Variants in ADD2 observed in about 807,000 individuals in gnomAD.
The protein encoded by ADD2 is adducin 2.
Under a neutral mutation model 83.0 loss-of-function variants are expected in ADD2, and 23 were observed. The observed-to-expected ratio is 0.28, with a 90% CI of 0.20 to 0.39. The LOEUF is 0.39. Ranked by LOEUF, ADD2 falls within the 10% of genes least tolerant of loss-of-function variation. The pLI is 1.00. For synonymous variants in ADD2, 375 were observed against 375.4 expected, an observed-to-expected ratio of 1.00 and a Z score of 0.01; for missense variants, 758 against 944.9, an observed-to-expected ratio of 0.80 and a Z score of 2.59.
At chr2:70,687,723 A>G (rs1343783418) in intron 9 of ADD2, among the ~76,000 whole-genome samples, 1 of 152,154 alleles carries the variant, frequency 6.6e-6, no homozygotes, top group Non-Finnish European at 1.5e-5. Context: ...CCTTATTACA[A>G]TTTCTCCCAC....
chr2:70,744,661 T>A (rs1553381669), intron 1 of ADD2, among the ~76,000 whole-genome samples: 2 of 152,210 alleles, frequency 1.3e-5, no homozygotes, highest in African/African-American at 4.8e-5. Flanking sequence ...GAATTCTGCC[T>A]TTTTTCTAAG....
intron 4 of ADD2, among the ~76,000 whole-genome samples, chr2:70,697,168 A>C (rs1206621765): frequency 6.6e-6 from 1 of 152,224 alleles, no homozygotes. Flanking sequence ...CAAAAAAAGA[A>C]AGCCAGATCA....
At position 70,692,550 on chromosome 2, in the gene ADD2, G is replaced by A; in HGVS notation, c.558C>T (p.Ile186=). The A allele has an allele frequency of 6.2e-7, 1 of 1,600,872 alleles. No individual in the cohort carries two copies. The highest frequency in any genetic ancestry group is 8.5e-7 in the Non-Finnish European group (1 of 1,174,268). ...SCSEVTASSL[I]KVNILGEVVE... is the part of the protein sequence containing the mutation. ...CCACCTCTCCCAGAATGTTCACCTT[G>A]ATCTGCGCCAGGGAAGAAGAGAGAC... is the stretch of plus-strand genomic sequence containing the variant. Residue 186 remains isoleucine (I), a splice_region_variant and synonymous_variant, in exon 7 of 16, where the codon ATC becomes ATT. Transcript: ENST00000264436.
chr2:70,674,873 G>T, intron 13 of ADD2, 48 bp from the exon 14 acceptor site: 1 of 1,587,032 alleles, frequency 6.3e-7, no homozygotes, highest in East Asian at 2.2e-5. Flanking sequence ...CGCCGCAGTT[G>T]GGGTGCAGGC....
At chr2:70,733,523 T>C (rs1265795199) in intron 1 of ADD2, among the ~76,000 whole-genome samples, 3 of 152,216 alleles carry the variant, frequency 2.0e-5, no homozygotes, top group Admixed American at 2.0e-4. Flanking sequence ...CTGAGTTTAA[T>C]TTCCTCCCAG....
At chr2:70,688,202 A>G (rs1443576623) in intron 8 of ADD2, 80 bp from the exon 9 acceptor site, 1 of 1,191,490 alleles carries the variant, frequency 8.4e-7, no homozygotes, top group Non-Finnish European at 1.2e-6. Context: ...CATTTTATTT[A>G]GATCAACTTC....
chr2:70,670,542 G>A (rs1553366904), intron 15 of ADD2, among the ~76,000 whole-genome samples: 1 of 152,238 alleles, frequency 6.6e-6, no homozygotes, highest in Admixed American at 6.5e-5. Context: ...ATGACCAGAT[G>A]CAAAGGCTCT....
Position 70,661,192 on chromosome 2 carries a change from C to T in ADD2, c.*2233G>A, listed in dbSNP as rs1675526390. 1 of 152,198 alleles carries T rather than the reference C, an allele frequency of 6.6e-6. No homozygotes were observed. Among genetic ancestry groups the T allele is most frequent in the African/African-American group, 2.4e-5 (1 of 41,444 alleles). The allele number at this position is 152,198 out of a possible 1,614,324, so 9.4% of individuals were successfully genotyped here. A position where few individuals can be genotyped will look rare whatever the true frequency, so the allele number is the denominator to read the frequency against. ...CACCCCCGAAGTAGAACAACTCGCA[C>T]ACAAAAGGCTGCATCAGAGGTCGTG... On this transcript the variant is annotated 3_prime_UTR_variant, in exon 16 of 16. Transcript: ENST00000264436.
intron 11 of ADD2, 52 bp from the exon 12 acceptor site, chr2:70,677,929 C>T: frequency 1.9e-6 from 3 of 1,609,582 alleles, no homozygotes; most frequent in Non-Finnish European, 2.5e-6. Flanking sequence ...GCCCATGAGT[C>T]CTCCCCAGTG....
At chr2:70,703,222 GAGAGAA>G (rs1406008726) in intron 4 of ADD2, among the ~76,000 whole-genome samples, 3 of 151,988 alleles carry the variant, frequency 2.0e-5, no homozygotes, top group African/African-American at 4.8e-5. Context: ...GAAAGAGAAA[GAGAGAA>G]AGAGAAAGAG....
At chr2:70,697,133 C>T (rs1553372861) in intron 4 of ADD2, among the ~76,000 whole-genome samples, 3 of 152,178 alleles carry the variant, frequency 2.0e-5, no homozygotes, top group African/African-American at 7.2e-5. Flanking sequence ...GGGGACAGAG[C>T]GAGACTCCGT....
In ADD2 at chr2:70,678,825, T is replaced by G. The variant is rs782595893; in HGVS notation, c.1262A>C (p.Gln421Pro). ...CTCCTTCTGCTGCTTCTGGGCATGC[T>G]GTCGCAGGGCGGGCACCGGGGCACC... ...EDGAPVPALRQHAQKQQKEKT... is the reference protein window; with the variant it reads ...EDGAPVPALRPHAQKQQKEKT... The change falls in exon 11 of 16, where the codon CAG (glutamine) becomes CCG (proline). Residue 421 changes from glutamine to proline, a missense_variant. Coordinates refer to ENST00000264436, the MANE Select transcript of ADD2 (RefSeq NM_001617.4). 6.2e-7 allele frequency: 1 copy of G among 1,614,076 alleles called. No individual in the cohort carries two copies. Among genetic ancestry groups the G allele is most frequent in the African/African-American group, 1.3e-5 (1 of 74,930 alleles).
At chr2:70,765,383 G>A (rs1258779717) in intron 1 of ADD2, among the ~76,000 whole-genome samples, 1 of 151,916 alleles carries the variant, frequency 6.6e-6, no homozygotes, top group African/African-American at 2.4e-5. Context: ...AAATAAAAAA[G>A]AATTGTTGTG....
Position 70,704,470 on chromosome 2 carries a change from C to T in ADD2, c.184-11G>A. The stretch of plus-strand genomic sequence containing the variant: ...CTCCTCCCTGAAAGACTGAAGCAGG[C>T]CCCGAGGTGCTTGTCCCCCCACAGC... On this transcript the variant is annotated splice_polypyrimidine_tract_variant and intron_variant, in intron 3 of 15. Transcript: ENST00000264436. 6.2e-7 allele frequency: 1 copy of T among 1,613,674 alleles called. No homozygotes were observed. Among genetic ancestry groups the T allele is most frequent in the Non-Finnish European group, 8.5e-7 (1 of 1,179,850 alleles).
chr2:70,743,544 AGAG>A (rs1252487044), intron 1 of ADD2, among the ~76,000 whole-genome samples: 2 of 152,212 alleles, frequency 1.3e-5, no homozygotes, highest in Non-Finnish European at 2.9e-5. Context: ...TGGGAGAAGA[AGAG>A]AAGAAAATGC....
At chr2:70,670,443 G>T (rs1289959011) in intron 15 of ADD2, among the ~76,000 whole-genome samples, 1 of 152,180 alleles carries the variant, frequency 6.6e-6, no homozygotes, top group Admixed American at 6.5e-5. Flanking sequence ...TTCTTTGCAG[G>T]CGTAGCCAGT....
In ADD2 at chr2:70,676,509, T is replaced by G; in HGVS notation, c.1593+287A>C. On this transcript the variant is annotated intron_variant, in intron 13 of 15. Coordinates refer to ENST00000264436, the MANE Select transcript of ADD2 (RefSeq NM_001617.4). The surrounding 1 kb of genome is among the most constrained non-coding windows in gnomAD (Gnocchi z 4.8). ...CACGGGGTAGTAAGGGAGGACAGAG[T>G]GGAGTTCCATGGCAGGAGGTACGGA... The G allele has an allele frequency of 7.3e-7, 1 of 1,365,986 alleles. No individual in the cohort carries two copies. 84.6% of individuals were successfully genotyped at this position (1,365,986 alleles called of 1,614,324 possible).
At chr2:70,756,071 GAAAAA>G (rs10549289) in intron 1 of ADD2, among the ~76,000 whole-genome samples, 1 of 117,400 alleles carries the variant, frequency 8.5e-6, no homozygotes, top group African/African-American at 2.8e-5. Context: ...GCAAAAAAAA[GAAAAA>G]AAAAAAAAAA....
chr2:70,689,072 G>T (rs868992342), intron 8 of ADD2, among the ~76,000 whole-genome samples: 4 of 151,756 alleles, frequency 2.6e-5, no homozygotes, highest in African/African-American at 9.7e-5. Context: ...TACCCCAGTC[G>T]GTGACAGAGC....
Sources: gnomAD v4.1 joint callset for allele counts (sites outside exome capture counted in the v4.1 genomes callset) on GRCh38, gnomAD v4.1.1 for gene constraint, Gnocchi (gnomAD v3.1) non-coding constraint, MANE v1.5 for transcripts, NCBI Gene and HGNC (gene_info 2026-07-23, HGNC 2026-07-21) for gene names.